CD200: variants seen among roughly 807,000 people sequenced by gnomAD.
The protein encoded by CD200 is CD200 molecule.
CD200 carries 15 observed loss-of-function variants against 30.9 expected under a neutral mutation model. The observed-to-expected ratio is 0.49, with a 90% CI of 0.32 to 0.75. The LOEUF is 0.75. Among genes scored for constraint, CD200 ranks in the 30% least tolerant of loss-of-function variants. The probability of loss-of-function intolerance (pLI) is 0.03; values close to 1 mark genes in which losing one functional copy is unlikely to be tolerated. For synonymous variants in CD200, 134 were observed against 126.2 expected (o/e 1.06, Z -0.41); for missense variants, 262 against 324.2 (o/e 0.81, Z 1.47).
rs1199446750 is a variant in CD200, at chr3:112,342,310, CTTCT to C, written c.94+1351_94+1354del. 7.0e-4 allele frequency among the ~76,000 whole-genome samples: 21 copies of C among 29,970 alleles called. 5 individuals are homozygous for C. The highest frequency in any genetic ancestry group is 2.6e-3 in the South Asian group (3 of 1,162). The allele number at this position is 29,970 out of a possible 152,430, so 19.7% of individuals were successfully genotyped here. ...CCTTCCTTCCTTCCTTCCTTCCTTT[CTTCT>C]TTCTTTCTTTCTTTCTTTCTTTCCT... is the stretch of plus-strand genomic sequence containing the variant. On this transcript the variant is annotated intron_variant, in intron 2 of 5. Transcript: ENST00000315711.
intron 5 of CD200, among the ~76,000 whole-genome samples, chr3:112,361,293 G>A (rs576285565): frequency 3.1e-4 from 47 of 151,866 alleles, no homozygotes; most frequent in African/African-American, 9.9e-4. Context: ...TGATCCTCCC[G>A]CCTCGGCCTC....
chr3:112,341,002 C>T lies in CD200; in HGVS notation c.94+19C>T, dbSNP rs771886482. 3.9e-6 allele frequency: 6 copies of T among 1,537,024 alleles called. No individual in the cohort carries two copies. Among genetic ancestry groups the T allele is most frequent in the Non-Finnish European group, 5.4e-6 (6 of 1,110,626 alleles). On this transcript the variant is annotated intron_variant, in intron 2 of 5. Coordinates refer to ENST00000315711, the MANE Select transcript of CD200 (RefSeq NM_005944.7). The stretch of plus-strand genomic sequence containing the variant: ...GCACAAGGTAAAGAAACTCAATTCC[C>T]CTGCTTGGAGCCCAGCAAACACAAT...
At chr3:112,356,332 ACTT>A (rs1174196199) in intron 5 of CD200, among the ~76,000 whole-genome samples, 1 of 136,576 alleles carries the variant, frequency 7.3e-6, no homozygotes, top group African/African-American at 2.8e-5. Flanking sequence ...TAAAAATATT[ACTT>A]ATTATGAATT....
chr3:112,349,725 A>T lies in CD200; in HGVS notation c.708A>T (p.Ser236=). 2.5e-6 allele frequency: 4 copies of T among 1,611,732 alleles called. No homozygotes were observed. The highest frequency in any genetic ancestry group is 3.4e-6 in the Non-Finnish European group (4 of 1,178,808). Residue 236 remains serine, a synonymous_variant, in exon 5 of 6, where the codon TCA becomes TCT. Transcript: ENST00000315711. ...CAATATCTATAGGCTATTGGTTTTCAGTTCCGCTATTGCTAAGCATTGTTT... is the reference window on the plus strand; with the variant it reads ...CAATATCTATAGGCTATTGGTTTTCTGTTCCGCTATTGCTAAGCATTGTTT... ...KQTVNKGYWF[S]VPLLLSIVSL... is the part of the protein sequence containing the mutation.
intron 5 of CD200, among the ~76,000 whole-genome samples, chr3:112,355,291 T>C (rs888791723): frequency 1.3e-5 from 2 of 152,248 alleles, no homozygotes; most frequent in Admixed American, 6.5e-5. Context: ...GGCAAGGCTT[T>C]ATTTTCCAGG....
intron 1 of CD200, among the ~76,000 whole-genome samples, chr3:112,337,546 ATAG>A (rs1298352265): frequency 6.6e-6 from 1 of 152,206 alleles, no homozygotes; most frequent in Non-Finnish European, 1.5e-5. Context: ...TTTTCTCTAG[ATAG>A]TTAGGGGCTA....
Position 112,333,230 on chromosome 3 carries a change from C to T in CD200, c.12+6C>T. The T allele has an allele frequency of 6.5e-7, 1 of 1,549,414 alleles. No homozygotes were observed. On this transcript the variant is annotated splice_donor_region_variant and intron_variant, in intron 1 of 5. Transcript: ENST00000315711. ...GAGCAAGGATGGAGAGGCTGGTGAG[C>T]GGGGCCGGGGCTTGGGAAGGAGGGC... is the stretch of plus-strand genomic sequence containing the variant.
chr3:112,349,133 C>T (rs897669033), intron 4 of CD200, among the ~76,000 whole-genome samples: 2 of 152,128 alleles, frequency 1.3e-5, no homozygotes, highest in Non-Finnish European at 2.9e-5. Context: ...AGGAGTTCCT[C>T]ATTTGCCTTT....
intron 1 of CD200, among the ~76,000 whole-genome samples, chr3:112,340,305 T>C (rs538787745): frequency 2.6e-5 from 4 of 152,240 alleles, no homozygotes; most frequent in African/African-American, 9.6e-5. Flanking sequence ...TTATCTTAAA[T>C]ACTCCCAAGA....
chr3:112,342,324 TCTTTCTTTCTTTC>T (rs1468861017), intron 2 of CD200, among the ~76,000 whole-genome samples: 760 of 31,530 alleles, frequency 0.024, 127 homozygotes, highest in Middle Eastern at 0.096. Context: ...TTTCTTTCTT[TCTTTCTTTCTTTC>T]CTTCTTTCTT....
At chr3:112,333,314 A>T in intron 1 of CD200, 90 bp downstream of exon 1, 1 of 1,496,724 alleles carries the variant, frequency 6.7e-7, no homozygotes, top group Non-Finnish European at 8.9e-7. Flanking sequence ...GAAGGCGCGG[A>T]GCTTCGGCTC....
rs116537460 is a variant in CD200 at position 112,337,664 on chromosome 3, T to A, written c.13-3238T>A. 4.7e-3 allele frequency among the ~76,000 whole-genome samples: 709 copies of A among 152,334 alleles called. 6 individuals are homozygous for A. Among genetic ancestry groups the A allele is most frequent in the African/African-American group, 0.016 (672 of 41,574 alleles). On this transcript the variant is annotated intron_variant, in intron 1 of 5. Coordinates refer to ENST00000315711, the MANE Select transcript of CD200 (RefSeq NM_005944.7). ...TAGTAAACTTAACTAAGTTAGGGAC[T>A]ATATCTGCCTTATGCACCATTGTCT...
At chr3:112,348,515 A>C (rs1393135840) in intron 4 of CD200, among the ~76,000 whole-genome samples, 6 of 152,340 alleles carry the variant, frequency 3.9e-5, no homozygotes, top group Non-Finnish European at 7.4e-5. Flanking sequence ...AGAGGAGAGA[A>C]TAAAGGGAGC....
At chr3:112,334,440 C>G (rs2081067522) in intron 1 of CD200, among the ~76,000 whole-genome samples, 1 of 152,188 alleles carries the variant, frequency 6.6e-6, no homozygotes, top group African/African-American at 2.4e-5. Flanking sequence ...TTGGCATTTA[C>G]TATAACCTAG....
intron 5 of CD200, among the ~76,000 whole-genome samples, chr3:112,356,437 C>T (rs1378433412): frequency 6.6e-6 from 1 of 152,038 alleles, no homozygotes; most frequent in Non-Finnish European, 1.5e-5. Context: ...TGTGGAATGG[C>T]TAAATCAAGC....
At chr3:112,336,883 A>G (rs1469000394) in intron 1 of CD200, among the ~76,000 whole-genome samples, 1 of 152,184 alleles carries the variant, frequency 6.6e-6, no homozygotes, top group Non-Finnish European at 1.5e-5. Flanking sequence ...GAGCCAAATA[A>G]GAGACTGTTT....
rs565828066 is a variant in CD200, at chr3:112,342,048, T to C, written c.94+1065T>C. ...TCAGCCTTCTTTTTTTTTCTACTTA[T>C]ACTTGTCAACATTTTATCCAGATTA... On this transcript the variant is annotated intron_variant, in intron 2 of 5. Transcript: ENST00000315711. 3.2e-4 allele frequency among the ~76,000 whole-genome samples: 48 copies of C among 152,300 alleles called. No individual in the cohort carries two copies. In the East Asian group the frequency reaches 6.4e-3, roughly 20 times the overall value.
chr3:112,340,829 C>A (rs1002714021), intron 1 of CD200, 73 bp from the exon 2 acceptor site: 32 of 987,510 alleles, frequency 3.2e-5, no homozygotes, highest in Non-Finnish European at 5.0e-5. Flanking sequence ...CCTGAAATAG[C>A]GATTAGATTG....
At chr3:112,349,240 C>G (rs1018717596) in intron 4 of CD200, among the ~76,000 whole-genome samples, 2 of 152,178 alleles carry the variant, frequency 1.3e-5, no homozygotes, top group Non-Finnish European at 2.9e-5. Flanking sequence ...GATGAGTTAT[C>G]TCTGGGGGTT....
Sources: gnomAD v4.1 joint callset for allele counts (sites outside exome capture counted in the v4.1 genomes callset) on GRCh38, gnomAD v4.1.1 for gene constraint, MANE v1.5 for transcripts, NCBI Gene and HGNC (gene_info 2026-07-23, HGNC 2026-07-21) for gene names.